Variants in SYNPR observed in about 807,000 individuals in gnomAD.
SYNPR encodes the protein synaptoporin.
In SYNPR, 23 loss-of-function variants were observed where a neutral mutation model predicts 32.9. The ratio of observed to expected loss-of-function variants is 0.70; its 90% CI spans 0.50 to 0.99. SYNPR has a LOEUF of 0.99. SYNPR is among the 50% of genes least tolerant of loss of function. The pLI is 0.00. For synonymous variants in SYNPR, 146 were observed against 135.9 expected, an observed-to-expected ratio of 1.07 and a Z score of -0.52; for missense variants, 318 against 349.3, an observed-to-expected ratio of 0.91 and a Z score of 0.71.
intron 2 of SYNPR, among the ~76,000 whole-genome samples, chr3:63,291,039 T>C (rs957061995): frequency 9.9e-5 from 15 of 152,174 alleles, no homozygotes; most frequent in Non-Finnish European, 1.9e-4. Context: ...AGCATGGAGA[T>C]CCTGAGAGGT....
At chr3:63,365,575 T>C (rs1254066342) in intron 2 of SYNPR, among the ~76,000 whole-genome samples, 1 of 152,164 alleles carries the variant, frequency 6.6e-6, no homozygotes, top group East Asian at 1.9e-4. Flanking sequence ...TTATAATTTG[T>C]TGACAAAAAT....
chr3:63,349,874 T>C (rs747969692), intron 2 of SYNPR, among the ~76,000 whole-genome samples: 3 of 152,206 alleles, frequency 2.0e-5, no homozygotes, highest in Non-Finnish European at 2.9e-5. Flanking sequence ...TTGGTTTCAT[T>C]TGCTTTCTTT....
At chr3:63,227,024 A>G (rs555911361), upstream of SYNPR, among the ~76,000 whole-genome samples, 1 of 152,224 alleles carries the variant, frequency 6.6e-6, no homozygotes, top group African/African-American at 2.4e-5. Context: ...AAATCAAAAT[A>G]AAATAAAATG....
intron 2 of SYNPR, among the ~76,000 whole-genome samples, chr3:63,360,947 G>A (rs1215985275): frequency 6.6e-6 from 1 of 152,118 alleles, no homozygotes; most frequent in African/African-American, 2.4e-5. Context: ...ACTCCATGAA[G>A]GCAGGAGATA....
intron 2 of SYNPR, among the ~76,000 whole-genome samples, chr3:63,401,239 GT>G (rs2088286221): frequency 6.6e-6 from 1 of 152,134 alleles, no homozygotes; most frequent in African/African-American, 2.4e-5. Context: ...AACAAAGTAA[GT>G]ACCCAAAAGG....
intron 3 of SYNPR, among the ~76,000 whole-genome samples, chr3:63,552,180 G>T (rs1446785224): frequency 6.6e-6 from 1 of 152,084 alleles, no homozygotes; most frequent in African/African-American, 2.4e-5. Flanking sequence ...TTACAGGCAT[G>T]AGCCACCGCA....
intron 3 of SYNPR, among the ~76,000 whole-genome samples, chr3:63,524,476 A>C (rs1701969757): frequency 1.3e-5 from 2 of 152,110 alleles, no homozygotes; most frequent in Non-Finnish European, 2.9e-5. Flanking sequence ...ATATCATCCT[A>C]TATTTTAAAC....
At chr3:63,258,203 G>A (rs1575578258) in intron 2 of SYNPR, among the ~76,000 whole-genome samples, 4 of 152,276 alleles carry the variant, frequency 2.6e-5, no homozygotes, top group Middle Eastern at 3.4e-3. Flanking sequence ...ATTGAACTCA[G>A]CTCTGCACCA....
At chr3:63,583,314 T>C (rs1364157353) in intron 4 of SYNPR, among the ~76,000 whole-genome samples, 2 of 152,108 alleles carry the variant, frequency 1.3e-5, no homozygotes, top group East Asian at 3.9e-4. Flanking sequence ...CTGTAGGCCA[T>C]GTGGACATAT....
At position 63,489,114 on chromosome 3, in the gene SYNPR, G is replaced by A. The variant is rs114326562; in HGVS notation, c.209+8158G>A. On this transcript the variant is annotated intron_variant, in intron 3 of 5. Transcript: ENST00000478300. ...CTTGGAAGACGATCCTGGAAGCACC[G>A]GTGAGGAATGGGGACATGAGACAGG... Among the ~76,000 whole-genome samples the A allele has an allele frequency of 4.1e-3, 628 of 152,208 alleles. 7 individuals are homozygous for A. The highest frequency in any genetic ancestry group is 0.015 in the African/African-American group (604 of 41,544).
chr3:63,566,479 G>A (rs1702790579), intron 4 of SYNPR, among the ~76,000 whole-genome samples: 3 of 152,082 alleles, frequency 2.0e-5, no homozygotes, highest in African/African-American at 7.2e-5. Context: ...TGGCTGTGTA[G>A]GCCTCACTGG....
intron 4 of SYNPR, among the ~76,000 whole-genome samples, chr3:63,568,167 A>T (rs1359985239): frequency 1.3e-5 from 2 of 152,246 alleles, no homozygotes; most frequent in Middle Eastern, 3.2e-3. Flanking sequence ...ACAGGCCAAG[A>T]ATTAAATAAA....
At chr3:63,246,042 A>ATT (rs1357873611) in intron 1 of SYNPR, among the ~76,000 whole-genome samples, 1 of 151,972 alleles carries the variant, frequency 6.6e-6, no homozygotes, top group Non-Finnish European at 1.5e-5. Context: ...CTTTTTCTAC[A>ATT]TTTCTTAGGA....
At chr3:63,460,210 A>G (rs933357693) in intron 2 of SYNPR, among the ~76,000 whole-genome samples, 1 of 152,124 alleles carries the variant, frequency 6.6e-6, no homozygotes, top group Admixed American at 6.6e-5. Flanking sequence ...ACCCTGCAGC[A>G]TCTAGCCATT....
chr3:63,245,710 A>AGTGT (rs1159947180), intron 1 of SYNPR, among the ~76,000 whole-genome samples: 16 of 44,210 alleles, frequency 3.6e-4, no homozygotes, highest in East Asian at 8.8e-4. Context: ...AGAGAGAGAG[A>AGTGT]GTGTGTGTGT....
chr3:63,479,269 A>G (rs1700994340), intron 2 of SYNPR, among the ~76,000 whole-genome samples: 1 of 152,206 alleles, frequency 6.6e-6, no homozygotes, highest in Admixed American at 6.5e-5. Flanking sequence ...TCTGCTATTT[A>G]CAGTAATATT....
chr3:63,499,621 A>T (rs944015847), intron 3 of SYNPR, among the ~76,000 whole-genome samples: 3 of 152,204 alleles, frequency 2.0e-5, no homozygotes, highest in Non-Finnish European at 4.4e-5. Context: ...GTATCAGAGG[A>T]ACAAAGACAC....
intron 4 of SYNPR, among the ~76,000 whole-genome samples, chr3:63,568,415 G>C (rs1702830164): frequency 6.6e-6 from 1 of 152,154 alleles, no homozygotes; most frequent in East Asian, 1.9e-4. Context: ...CTGTGCACAA[G>C]ACAGGTGGGG....
chr3:63,585,736 GCAAGATATCGTCC>G (rs1703172200), intron 4 of SYNPR, among the ~76,000 whole-genome samples: 1 of 152,078 alleles, frequency 6.6e-6, no homozygotes. Context: ...GCCTAGTTGT[GCAAGATATCGTCC>G]CAGAAGATTA....
Sources: gnomAD v4.1 joint callset for allele counts (sites outside exome capture counted in the v4.1 genomes callset) on GRCh38, gnomAD v4.1.1 for gene constraint, MANE v1.5 for transcripts, NCBI Gene and HGNC (gene_info 2026-07-23, HGNC 2026-07-21) for gene names.